Variants in LAMC2 observed in about 807,000 individuals in gnomAD.
LAMC2 encodes the protein laminin subunit gamma-2.
A neutral mutation model predicts 140.2 loss-of-function variants in LAMC2; 97 were observed. The observed-to-expected ratio is 0.69, with a 90% CI of 0.59 to 0.82. LAMC2 has a LOEUF of 0.82. Among genes scored for constraint, LAMC2 ranks in the 40% least tolerant of loss-of-function variants. The probability of loss-of-function intolerance (pLI) is 0.00; values close to 1 mark genes in which losing one functional copy is unlikely to be tolerated. For synonymous variants in LAMC2, 513 were observed against 540.2 expected (o/e 0.95, Z 0.70); for missense variants, 1,402 against 1,476.1 (o/e 0.95, Z 0.82).
At chr1:183,210,605 C>G (rs1482699374) in intron 2 of LAMC2, among the ~76,000 whole-genome samples, 1 of 152,132 alleles carries the variant, frequency 6.6e-6, no homozygotes, top group East Asian at 1.9e-4. Flanking sequence ...AAAAAAAAAT[C>G]AGAATGGCAT....
intron 1 of LAMC2, among the ~76,000 whole-genome samples, chr1:183,200,760 G>T (rs931346772): frequency 3.9e-5 from 6 of 152,142 alleles, no homozygotes; most frequent in Non-Finnish European, 5.9e-5. Flanking sequence ...AGGGGCTCCA[G>T]CTGCTTTGAT....
At chr1:183,224,632 C>T (rs1659573455) in intron 7 of LAMC2, among the ~76,000 whole-genome samples, 1 of 151,334 alleles carries the variant, frequency 6.6e-6, no homozygotes, top group African/African-American at 2.4e-5. Flanking sequence ...AGAACACAAA[C>T]AAAGAATTGA....
chr1:183,207,729 G>A, intron 1 of LAMC2, 152 bp from the exon 2 acceptor site: 2 of 700,058 alleles, frequency 2.9e-6, no homozygotes, highest in Non-Finnish European at 4.9e-6. Flanking sequence ...ACTGCCAATT[G>A]CACTCCCATA....
downstream of LAMC2, among the ~76,000 whole-genome samples, chr1:183,246,100 G>A (rs1461690925): frequency 6.6e-6 from 1 of 151,662 alleles, no homozygotes; most frequent in African/African-American, 2.4e-5. Context: ...AACCTGGGAG[G>A]TGGAGCTTGC....
At chr1:183,238,269 G>A (rs1304809101) in intron 18 of LAMC2, 38 bp from the exon 19 acceptor site, 38 of 1,462,560 alleles carry the variant, frequency 2.6e-5, no homozygotes, top group Non-Finnish European at 3.5e-5. Context: ...CAGCAGGAAT[G>A]TACTTCCTCT....
At chr1:183,206,012 A>G (rs1396648482) in intron 1 of LAMC2, among the ~76,000 whole-genome samples, 2 of 152,196 alleles carry the variant, frequency 1.3e-5, no homozygotes, top group Admixed American at 6.5e-5. Flanking sequence ...TCTACATGCA[A>G]TGGTAAACTC....
Position 183,243,235 on chromosome 1 carries a change from G to A in LAMC2, c.3417G>A (p.Arg1139=), listed in dbSNP as rs1403457800. 4.3e-6 allele frequency: 7 copies of A among 1,614,040 alleles called. No individual in the cohort carries two copies. In the African/African-American group the frequency reaches 9.3e-5, roughly 22 times the overall value. Residue 1139 remains arginine (R), a synonymous_variant, in exon 23 of 23, where the codon CGG becomes CGA. Transcript: ENST00000264144. ...RAKTQINSQL[R]PMMSELEERA... ...AGACCCAGATCAACAGCCAACTGCGGCCCATGATGTCAGAGCTGGAAGAGA... is the reference window on the plus strand; with the variant it reads ...AGACCCAGATCAACAGCCAACTGCGACCCATGATGTCAGAGCTGGAAGAGA...
At position 183,186,395 on chromosome 1, in the gene LAMC2, C is replaced by A. The variant is rs762557088; in HGVS notation, c.43C>A (p.Leu15Ile). The A allele has an allele frequency of 3.7e-6, 6 of 1,605,818 alleles. No homozygotes were observed. The highest frequency in any genetic ancestry group is 4.2e-6 in the Non-Finnish European group (5 of 1,179,700). Residue 15 changes from leucine (L) to isoleucine (I), a missense_variant, in exon 1 of 23, where the codon CTC (leucine) becomes ATC (isoleucine). By Grantham distance (5) the Leu-to-Ile change is conservative (BLOSUM62 2). Around this residue, in one of 3 missense-constraint regions of LAMC2, gnomAD observed 723 missense variants for 783.3 expected, o/e 0.92. Coordinates refer to ENST00000264144, the MANE Select transcript of LAMC2 (RefSeq NM_005562.3). ...GGGCTGCTGCCTCTGCTTCTCGCTC[C>A]TCCTGCCCGCAGCCCGGGCCACCTC... is the stretch of plus-strand genomic sequence containing the variant. ...WLGCCLCFSL[L>I]LPAARATSRR...
At chr1:183,213,004 G>A (rs1429347835) in intron 2 of LAMC2, among the ~76,000 whole-genome samples, 2 of 152,220 alleles carry the variant, frequency 1.3e-5, no homozygotes, top group East Asian at 3.8e-4. Flanking sequence ...TCATGGCATG[G>A]GAGGAGACAT....
intron 1 of LAMC2, among the ~76,000 whole-genome samples, chr1:183,192,814 C>T (rs1658387261): frequency 6.6e-6 from 1 of 152,188 alleles, no homozygotes; most frequent in Non-Finnish European, 1.5e-5. Flanking sequence ...AAGCAATTCT[C>T]CTGTGTCAGC....
chr1:183,253,655 T>G, the LAMC2 span, among the ~76,000 whole-genome samples: 1 of 152,166 alleles, frequency 6.6e-6, no homozygotes, highest in African/African-American at 2.4e-5. Context: ...ATTCCATATA[T>G]ATTCCTACAT....
At chr1:183,197,970 C>T (rs188413196) in intron 1 of LAMC2, among the ~76,000 whole-genome samples, 3 of 151,810 alleles carry the variant, frequency 2.0e-5, no homozygotes, top group African/African-American at 7.3e-5. Context: ...AGACACCTGG[C>T]AGTATGACAT....
intron 1 of LAMC2, among the ~76,000 whole-genome samples, chr1:183,187,502 C>A (rs1331315243): frequency 5.3e-3 from 661 of 125,406 alleles, no homozygotes; most frequent in Middle Eastern, 8.5e-3. Context: ...TGATTGCCAC[C>A]AAAAAAAAAA....
At chr1:183,204,815 G>T (rs1658831312) in intron 1 of LAMC2, among the ~76,000 whole-genome samples, 1 of 151,666 alleles carries the variant, frequency 6.6e-6, no homozygotes, top group Non-Finnish European at 1.5e-5. Flanking sequence ...CCACCACAAA[G>T]CATGTTCTTT....
chr1:183,252,721 C>A, the LAMC2 span: 1 of 1,613,838 alleles, frequency 6.2e-7, no homozygotes, highest in Non-Finnish European at 8.5e-7. Flanking sequence ...ACAACATGGC[C>A]GTCCCCATGC....
At chr1:183,207,835 GTTTT>G (rs10668798) in intron 1 of LAMC2, 42 bp from the exon 2 acceptor site, 8 of 1,185,828 alleles carry the variant, frequency 6.7e-6, no homozygotes, top group Non-Finnish European at 9.7e-6. Context: ...TTCCTGAGGT[GTTTT>G]TTTTTTTTTT....
At position 183,227,606 on chromosome 1, in the gene LAMC2, C is replaced by T; in HGVS notation, c.1377C>T (p.Cys459=). 1 of 1,614,196 alleles carries T rather than the reference C, an allele frequency of 6.2e-7. No individual in the cohort carries two copies. The highest frequency in any genetic ancestry group is 8.5e-7 in the Non-Finnish European group (1 of 1,180,038). The change falls in exon 10 of 23, where the codon TGC becomes TGT. Residue 459 remains cysteine, a synonymous_variant. Coordinates refer to ENST00000264144, the MANE Select transcript of LAMC2 (RefSeq NM_005562.3). ...FYNDPHDPRS[C]KPCPCHNGFS... is the part of the protein sequence containing the mutation. ...ACGATCCGCACGACCCCCGCAGCTG[C>T]AAGCCATGTCCCTGTCATAACGGGT...
chr1:183,223,411 T>C, intron 7 of LAMC2, 87 bp downstream of exon 7: 1 of 1,321,386 alleles, frequency 7.6e-7, no homozygotes, highest in Middle Eastern at 2.2e-4. Flanking sequence ...TCATCATTCA[T>C]TTGTTCAACA....
Position 183,189,642 on chromosome 1 carries a change from C to T in LAMC2, c.79+3211C>T, listed in dbSNP as rs1237610530. On this transcript the variant is annotated intron_variant, in intron 1 of 22. Transcript: ENST00000264144. ...CCTAGGATATGGAGGTAAAAGAAAC[C>T]TCAGCACTTAAAAAAGAGATAGAGG... Among the ~76,000 whole-genome samples the T allele has an allele frequency of 2.0e-5, 3 of 152,068 alleles. No individual in the cohort carries two copies. The East Asian group carries it at 5.8e-4, about 29-fold the overall frequency.
Sources: gnomAD v4.1 joint callset for allele counts (sites outside exome capture counted in the v4.1 genomes callset) on GRCh38, gnomAD v4.1.1 for gene constraint, gnomAD v4.1.1 regional missense constraint, MANE v1.5 for transcripts, NCBI Gene and HGNC (gene_info 2026-07-23, HGNC 2026-07-21) for gene names.